The following DPP10 variants were observed in gnomAD, a reference collection of about 807,000 sequenced individuals.
DPP10 encodes inactive dipeptidyl peptidase 10.
In DPP10, 33 loss-of-function variants were observed where a neutral mutation model predicts 120.9. The observed-to-expected ratio is 0.27, with a 90% CI of 0.21 to 0.37. The LOEUF is 0.37. DPP10 is among the 10% of genes least tolerant of loss of function. The pLI is 1.00. For missense variants in DPP10, 816 were observed against 942.8 expected, an observed-to-expected ratio of 0.87 and a Z score of 1.76; for synonymous variants, 337 against 326.1, an observed-to-expected ratio of 1.03 and a Z score of -0.36.
chr2:115,437,917 C>T (rs188964072), intron 3 of DPP10, among the ~76,000 whole-genome samples: 1 of 151,970 alleles, frequency 6.6e-6, no homozygotes, highest in Admixed American at 6.6e-5. Flanking sequence ...TTATTAAATT[C>T]ATTTTATGTG....
At chr2:115,282,854 C>T (rs1449549240) in intron 1 of DPP10, among the ~76,000 whole-genome samples, 2 of 151,960 alleles carry the variant, frequency 1.3e-5, no homozygotes, top group African/African-American at 4.8e-5. Flanking sequence ...CATTTTGTGC[C>T]TTAATTTCCG....
chr2:115,826,550 G>A (rs959179074), intron 21 of DPP10, among the ~76,000 whole-genome samples: 5 of 152,028 alleles, frequency 3.3e-5, no homozygotes, highest in South Asian at 2.1e-4. Context: ...GTAAAACACC[G>A]TCTCTACTAA....
At chr2:114,456,977 G>A (rs1478393222) in intron 1 of DPP10, among the ~76,000 whole-genome samples, 1 of 152,204 alleles carries the variant, frequency 6.6e-6, no homozygotes, top group Non-Finnish European at 1.5e-5. Context: ...GTAGAAAACA[G>A]TTAATAAAAG....
At chr2:115,113,330 C>T (rs889365428) in intron 1 of DPP10, among the ~76,000 whole-genome samples, 14 of 151,680 alleles carry the variant, frequency 9.2e-5, no homozygotes, top group Non-Finnish European at 1.9e-4. Flanking sequence ...TTTTTAAAGT[C>T]TAAATGTTCC....
chr2:114,736,514 A>C (rs1451216494), intron 1 of DPP10, among the ~76,000 whole-genome samples: 1 of 152,216 alleles, frequency 6.6e-6, no homozygotes, highest in African/African-American at 2.4e-5. Flanking sequence ...ATTGTTTAGA[A>C]AAATAAAATA....
intron 1 of DPP10, among the ~76,000 whole-genome samples, chr2:114,798,303 C>A (rs1371999141): frequency 3.3e-5 from 5 of 152,030 alleles, no homozygotes; most frequent in African/African-American, 1.2e-4. Context: ...ATAAATGTGT[C>A]ATGGTAATGT....
intron 1 of DPP10, among the ~76,000 whole-genome samples, chr2:114,981,046 C>T (rs1700058431): frequency 6.7e-6 from 1 of 149,432 alleles, no homozygotes; most frequent in African/African-American, 2.5e-5. Flanking sequence ...TGTATGGAGA[C>T]AGGTGTTATC....
At chr2:115,499,721 G>T in intron 4 of DPP10, 117 bp downstream of exon 4, 1 of 601,852 alleles carries the variant, frequency 1.7e-6, no homozygotes, top group South Asian at 3.5e-5. Context: ...CAGGTGAAAA[G>T]TTGGGGCTGG....
chr2:114,803,890 G>A (rs529236778), intron 1 of DPP10, among the ~76,000 whole-genome samples: 1 of 152,314 alleles, frequency 6.6e-6, no homozygotes, highest in South Asian at 2.1e-4. Context: ...GTAGCAAGGA[G>A]CCTAATGTTA....
intron 1 of DPP10, among the ~76,000 whole-genome samples, chr2:114,993,951 T>C (rs976005405): frequency 6.6e-6 from 1 of 152,140 alleles, no homozygotes; most frequent in Non-Finnish European, 1.5e-5. Flanking sequence ...ATCTCCATTT[T>C]CTCGAGTAAT....
intron 5 of DPP10, among the ~76,000 whole-genome samples, chr2:115,564,893 C>T (rs2080903320): frequency 6.6e-6 from 1 of 152,150 alleles, no homozygotes; most frequent in Non-Finnish European, 1.5e-5. Context: ...AGCTGGAGGT[C>T]TGGAGGCAGG....
intron 1 of DPP10, among the ~76,000 whole-genome samples, chr2:115,163,560 C>A (rs1430674619): frequency 1.3e-5 from 2 of 152,326 alleles, no homozygotes; most frequent in East Asian, 1.9e-4. Context: ...TCCTCCTAAT[C>A]CCCAGCACAC....
At chr2:115,161,256 T>C (rs1398835946) in intron 1 of DPP10, 1 of 152,262 alleles carries the variant, frequency 6.6e-6, no homozygotes, top group Non-Finnish European at 1.5e-5. Flanking sequence ...CCGACAGGTG[T>C]TGCCCGCCTC....
chr2:114,444,652 C>A (rs534196813), intron 1 of DPP10, among the ~76,000 whole-genome samples: 1 of 152,232 alleles, frequency 6.6e-6, no homozygotes, highest in South Asian at 2.1e-4. Flanking sequence ...TTCCTTCTAA[C>A]TGCAGCCATT....
chr2:115,839,026 GA>G (rs946658874), intron 24 of DPP10, among the ~76,000 whole-genome samples: 1 of 151,886 alleles, frequency 6.6e-6, no homozygotes, highest in Non-Finnish European at 1.5e-5. Context: ...AAACTAAGCA[GA>G]AAAAAAATCC....
At chr2:115,119,349 G>C (rs1472321680) in intron 1 of DPP10, among the ~76,000 whole-genome samples, 1 of 152,176 alleles carries the variant, frequency 6.6e-6, no homozygotes, top group African/African-American at 2.4e-5. Context: ...ACCAGCTTCA[G>C]GTGTTTTCTG....
intron 12 of DPP10, among the ~76,000 whole-genome samples, chr2:115,767,841 C>T (rs1423413914): frequency 1.3e-5 from 2 of 152,058 alleles, no homozygotes; most frequent in Non-Finnish European, 2.9e-5. Context: ...AGAAAAGAAT[C>T]TTCAAGTAAG....
intron 1 of DPP10, among the ~76,000 whole-genome samples, chr2:114,958,869 A>G (rs1174394207): frequency 6.6e-6 from 1 of 152,166 alleles, no homozygotes; most frequent in Non-Finnish European, 1.5e-5. Flanking sequence ...TATACAAGGT[A>G]GGCTTTTTAC....
chr2:115,262,364 TTAC>T, intron 1 of DPP10, among the ~76,000 whole-genome samples: 1 of 152,076 alleles, frequency 6.6e-6, no homozygotes, highest in South Asian at 2.1e-4. Context: ...TTTAATATGT[TTAC>T]TATTATTTTT....
Sources: allele counts gnomAD v4.1 joint callset (sites outside exome capture counted in the v4.1 genomes callset), GRCh38; gene constraint gnomAD v4.1.1; transcripts MANE v1.5; gene names NCBI Gene and HGNC (gene_info 2026-07-23, HGNC 2026-07-21).